The following SETD6 variants were observed in gnomAD, a reference collection of about 807,000 sequenced individuals.
SETD6 encodes SET domain containing 6, protein lysine methyltransferase.
A neutral mutation model predicts 52.7 loss-of-function variants in SETD6; 67 were observed. That is an observed-to-expected ratio of 1.27 (90% CI 1.04 to 1.56). The LOEUF (loss-of-function observed/expected upper bound fraction) is 1.56. Ranked by LOEUF, SETD6 falls within the 40% of genes most tolerant of loss-of-function variation. The probability of loss-of-function intolerance (pLI) is 0.00; values close to 1 mark genes in which losing one functional copy is unlikely to be tolerated. For missense variants in SETD6, 712 were observed against 607.5 expected, an observed-to-expected ratio of 1.17 and a Z score of -1.81; for synonymous variants, 307 against 250.2, an observed-to-expected ratio of 1.23 and a Z score of -2.14.
rs1010677228 is a variant in SETD6 at position 58,516,351 on chromosome 16, C to A, written c.476+8C>A. 4 of 1,610,038 alleles carry A rather than the reference C, an allele frequency of 2.5e-6. No homozygotes were observed. Among genetic ancestry groups the A allele is most frequent in the African/African-American group, 2.7e-5 (2 of 74,860 alleles). ...GGAGCACCCGATGTTCTGGTGAGAG[C>A]CTTGGGAGGGGTTGGGGAGCGCCTG... On this transcript the variant is annotated splice_region_variant and intron_variant, in intron 3 of 7. Transcript: ENST00000219315.
Position 58,516,888 on chromosome 16 carries a change from A to G in SETD6, c.752A>G (p.Asn251Ser), listed in dbSNP as rs2039180844. ...ATGGTGCCTGCTGCAGACATACTAA[A>G]CCACTTAGCCAATCACAACGCCAAT... ...PVMVPAADIL[N>S]HLANHNANLE... is the part of the protein sequence containing the mutation. Residue 251 changes from asparagine (N) to serine (S), a missense_variant, in exon 5 of 8, where the codon AAC (asparagine) becomes AGC (serine). Asn to Ser is a conservative substitution (Grantham distance 46). Coordinates refer to ENST00000219315, the MANE Select transcript of SETD6 (RefSeq NM_001160305.4). 3 of 1,613,978 alleles carry G rather than the reference A, an allele frequency of 1.9e-6. No homozygotes were observed. The East Asian group carries it at 6.7e-5, about 36-fold the overall frequency.
rs370052613 is a variant in SETD6 at position 58,518,692 on chromosome 16, A to G, written c.1117-32A>G. Reference sequence around the variant, plus strand: ...CATTTCAGAAGTACAAAAGCAGTACATCTAATTAAAGAGCTCTGTGGTTGC... The same window carrying G: ...CATTTCAGAAGTACAAAAGCAGTACGTCTAATTAAAGAGCTCTGTGGTTGC... On this transcript the variant is annotated intron_variant, in intron 7 of 7. Coordinates refer to ENST00000219315, the MANE Select transcript of SETD6 (RefSeq NM_001160305.4). 6 of 1,604,012 alleles carry G rather than the reference A, an allele frequency of 3.7e-6. No individual in the cohort carries two copies. The African/African-American group carries it at 8.1e-5, about 22-fold the overall frequency.
intron 5 of SETD6, 128 bp from the exon 6 acceptor site, chr16:58,517,923 G>T: frequency 8.6e-7 from 1 of 1,164,502 alleles, no homozygotes. Context: ...ACTAAAGGTA[G>T]AACTTTGGTA....
chr16:58,518,956 G>T lies in SETD6; in HGVS notation c.1349G>T (p.Arg450Met), dbSNP rs1220785156. The T allele has an allele frequency of 1.9e-6, 3 of 1,614,204 alleles. No individual in the cohort carries two copies. Among genetic ancestry groups the T allele is most frequent in the Non-Finnish European group, 2.5e-6 (3 of 1,180,038 alleles). ...GAAGTCTATGCGAAACTCAGCTGGA[G>T]GGAACAGCAAGCCTTACAGGTTCGC... ...NKEVYAKLSW[R>M]EQQALQVRYG... The change falls in exon 8 of 8, where the codon AGG becomes ATG. Residue 450 changes from arginine (R) to methionine (M), a missense_variant. Physicochemically the swap from Arg to Met is moderately conservative, Grantham distance 91. Transcript: ENST00000219315.
rs1391002747 is a variant in SETD6, at chr16:58,520,177, T to G, written c.*1148T>G. ...GGGGTAATGGGGGAGAACAATTAAT[T>G]AATGAGATTTGGTTCCCTTTCCTAT... On this transcript the variant is annotated 3_prime_UTR_variant, in exon 8 of 8. Coordinates refer to ENST00000219315, the MANE Select transcript of SETD6 (RefSeq NM_001160305.4). 1 of 152,122 alleles carries G rather than the reference T, an allele frequency of 6.6e-6. No individual in the cohort carries two copies. The highest frequency in any genetic ancestry group is 2.4e-5 in the African/African-American group (1 of 41,412). The allele number at this position is 152,122 out of a possible 1,614,324, so 9.4% of individuals were successfully genotyped here. A position where few individuals can be genotyped will look rare whatever the true frequency, so the allele number is the denominator to read the frequency against.
chr16:58,517,039 T>C (rs751996802), intron 5 of SETD6, 111 bp downstream of exon 5: 55 of 1,488,012 alleles, frequency 3.7e-5, no homozygotes, highest in Non-Finnish European at 4.9e-5. Flanking sequence ...CAGCTCCTCC[T>C]GTATGTCCTT....
Position 58,516,585 on chromosome 16 carries a change from T to C in SETD6, c.584T>C (p.Phe195Ser). The part of the protein sequence containing the change: ...RSEYQSIVLP[F>S]MEAHPDLFSL... The stretch of plus-strand genomic sequence containing the variant: ...GAGTACCAGTCCATCGTGCTGCCCT[T>C]CATGGAAGCCCACCCCGATCTCTTC... The change falls in exon 4 of 8, where the codon TTC becomes TCC. Residue 195 changes from phenylalanine to serine, a missense_variant. Physicochemically the swap from Phe to Ser is radical, Grantham distance 155. Transcript: ENST00000219315. 1.9e-6 allele frequency: 3 copies of C among 1,614,146 alleles called. No homozygotes were observed. The highest frequency in any genetic ancestry group is 2.5e-6 in the Non-Finnish European group (3 of 1,180,026).
At position 58,523,343 on chromosome 16, in the gene SETD6, C is replaced by A; in HGVS notation, c.*4314C>A. The A allele has an allele frequency of 3.2e-6, 5 of 1,553,444 alleles. No individual in the cohort carries two copies. Among genetic ancestry groups the A allele is most frequent in the South Asian group, 2.5e-5 (2 of 80,012 alleles). On this transcript the variant is annotated 3_prime_UTR_variant, in exon 8 of 8. Coordinates refer to ENST00000219315, the MANE Select transcript of SETD6 (RefSeq NM_001160305.4). ...TGAAAGGGAGGAGATCCTTTTGAAG[C>A]ATTTAAAAAATAAGCTGCTCGCTTA...
At position 58,519,047 on chromosome 16, in the gene SETD6, G is replaced by T. The variant is rs2039274350; in HGVS notation, c.*18G>T. On this transcript the variant is annotated 3_prime_UTR_variant, in exon 8 of 8. Transcript: ENST00000219315. ...CAAGTTAGCAGTTTCCCTGTTCCCT[G>T]AAGGAACAGCAATAAGAACTTTATT... The T allele has an allele frequency of 6.3e-7, 1 of 1,587,650 alleles. No homozygotes were observed. Among genetic ancestry groups the T allele is most frequent in the African/African-American group, 1.4e-5 (1 of 73,896 alleles).
At chr16:58,517,951 T>G (rs2039220722) in intron 5 of SETD6, 100 bp from the exon 6 acceptor site, 1 of 1,455,174 alleles carries the variant, frequency 6.9e-7, no homozygotes, top group Admixed American at 1.8e-5. Flanking sequence ...GCATCAGTCA[T>G]GGCTGAACTA....
chr16:58,520,950 A>G lies in SETD6; in HGVS notation c.*1921A>G, dbSNP rs1020553893. ...AGACTGACACGTACAACAGAGATGCAGTTTCGTCTAACTGGCACCTGTCCC... is the reference window on the plus strand; with the variant it reads ...AGACTGACACGTACAACAGAGATGCGGTTTCGTCTAACTGGCACCTGTCCC... On this transcript the variant is annotated 3_prime_UTR_variant, in exon 8 of 8. Coordinates refer to ENST00000219315, the MANE Select transcript of SETD6 (RefSeq NM_001160305.4). 2 of 1,612,576 alleles carry G rather than the reference A, an allele frequency of 1.2e-6. No homozygotes were observed. The highest frequency in any genetic ancestry group is 1.3e-5 in the African/African-American group (1 of 74,992).
At position 58,515,966 on chromosome 16, in the gene SETD6, G is replaced by A. The variant is rs913843779; in HGVS notation, c.203G>A (p.Arg68Gln). 53 of 1,531,468 alleles carry A rather than the reference G, an allele frequency of 3.5e-5. No homozygotes were observed. Among genetic ancestry groups the A allele is most frequent in the Non-Finnish European group, 4.0e-5 (46 of 1,148,538 alleles). The allele number at this position is 1,531,468 out of a possible 1,614,324, so 94.9% of individuals were successfully genotyped here. The change falls in exon 2 of 8, where the codon CGG becomes CAG. Residue 68 changes from arginine to glutamine, a missense_variant. Transcript: ENST00000219315. Reference sequence around the variant, plus strand: ...CCTCCTGCTCAGGTGGCGGTCAGCCGGCAGGGCACGGTGGCCGGCTACGGC... The same window carrying A: ...CCTCCTGCTCAGGTGGCGGTCAGCCAGCAGGGCACGGTGGCCGGCTACGGC... ...TSPPAQVAVS[R>Q]QGTVAGYGMV...
At position 58,520,387 on chromosome 16, in the gene SETD6, A is replaced by C. The variant is rs2039329290; in HGVS notation, c.*1358A>C. Reference sequence around the variant, plus strand: ...AGCTTTGGAATACGTTTGGGTAGAGACAAAATGGAAACTCATGGGATTCCA... The same window carrying C: ...AGCTTTGGAATACGTTTGGGTAGAGCCAAAATGGAAACTCATGGGATTCCA... On this transcript the variant is annotated 3_prime_UTR_variant, in exon 8 of 8. Coordinates refer to ENST00000219315, the MANE Select transcript of SETD6 (RefSeq NM_001160305.4). 1 of 154,324 alleles carries C rather than the reference A, an allele frequency of 6.5e-6. No individual in the cohort carries two copies. Among genetic ancestry groups the C allele is most frequent in the African/African-American group, 2.4e-5 (1 of 41,464 alleles). The allele number at this position is 154,324 out of a possible 1,614,324, so 9.6% of individuals were successfully genotyped here. A position where few individuals can be genotyped will look rare whatever the true frequency, so the allele number is the denominator to read the frequency against.
Position 58,516,631 on chromosome 16 carries a change from A to G in SETD6, c.630A>G (p.Leu210=), listed in dbSNP as rs972535680. 2.5e-6 allele frequency: 4 copies of G among 1,614,000 alleles called. No individual in the cohort carries two copies. Among genetic ancestry groups the G allele is most frequent in the East Asian group, 2.2e-5 (1 of 44,890 alleles). Residue 210 remains leucine (L), a synonymous_variant, in exon 4 of 8, where the codon CTA becomes CTG. Coordinates refer to ENST00000219315, the MANE Select transcript of SETD6 (RefSeq NM_001160305.4). ...PDLFSLRVRS[L]ELYHQLVALV... ...TCTTCAGCCTCAGGGTTCGCTCCCT[A>G]GAACTCTACCACCAGCTGGTGGCCC...
Position 58,516,535 on chromosome 16 carries a change from G to A in SETD6, c.534G>A (p.Glu178=), listed in dbSNP as rs774236938. The A allele has an allele frequency of 1.2e-6, 2 of 1,614,048 alleles. No homozygotes were observed. Among genetic ancestry groups the A allele is most frequent in the South Asian group, 2.2e-5 (2 of 91,084 alleles). Residue 178 remains glutamate, a synonymous_variant, in exon 4 of 8, where the codon GAG becomes GAA. Coordinates refer to ENST00000219315, the MANE Select transcript of SETD6 (RefSeq NM_001160305.4). ...LQGTGVPEAV[E]KDLANIRSEY... The stretch of plus-strand genomic sequence containing the variant: ...GCACAGGCGTACCTGAGGCCGTGGA[G>A]AAGGATTTGGCCAACATCCGCAGCG...
At position 58,515,854 on chromosome 16, in the gene SETD6, C is replaced by T. The variant is rs1473363371; in HGVS notation, c.91C>T (p.Arg31Trp). 1.3e-6 allele frequency: 2 copies of T among 1,526,246 alleles called. No individual in the cohort carries two copies. Among genetic ancestry groups the T allele is most frequent in the African/African-American group, 1.4e-5 (1 of 69,608 alleles). The allele number at this position is 1,526,246 out of a possible 1,614,324, so 94.5% of individuals were successfully genotyped here. A position where few individuals can be genotyped will look rare whatever the true frequency, so the allele number is the denominator to read the frequency against. Residue 31 changes from arginine (R) to tryptophan (W), a missense_variant, in exon 2 of 8, where the codon CGG becomes TGG. Physicochemically the swap from Arg to Trp is moderately radical, Grantham distance 101. Coordinates refer to ENST00000219315, the MANE Select transcript of SETD6 (RefSeq NM_001160305.4). Reference sequence around the variant, plus strand: ...GGCCTGCTTCCTGAGCTGGTGCCGGCGGGTGGGGCTGGAGCTGAGTCCCAA... The same window carrying T: ...GGCCTGCTTCCTGAGCTGGTGCCGGTGGGTGGGGCTGGAGCTGAGTCCCAA... Reference protein sequence around the residue: ...PVACFLSWCRRVGLELSPKVS... With the variant: ...PVACFLSWCRWVGLELSPKVS...
rs965002814 is a variant in SETD6, at chr16:58,519,306, A to G, written c.*277A>G. 2 of 369,290 alleles carry G rather than the reference A, an allele frequency of 5.4e-6. No individual in the cohort carries two copies. The highest frequency in any genetic ancestry group is 4.1e-5 in the African/African-American group (2 of 48,866). The allele number at this position is 369,290 out of a possible 1,614,324, so 22.9% of individuals were successfully genotyped here. A position where few individuals can be genotyped will look rare whatever the true frequency, so the allele number is the denominator to read the frequency against. On this transcript the variant is annotated 3_prime_UTR_variant, in exon 8 of 8. Transcript: ENST00000219315. ...CCAAAGCCAGTGGACATACGGTAGT[A>G]ATAAGTAAGTCTTGTTGTGTTTCAG...
Position 58,523,150 on chromosome 16 carries a change from C to T in SETD6, c.*4121C>T, listed in dbSNP as rs1362748219. The stretch of plus-strand genomic sequence containing the variant: ...ATCCCAGCTACTTGAGAGGCTAAGG[C>T]ACGAGAATCGCTTGAACCTGGGAGG... On this transcript the variant is annotated 3_prime_UTR_variant, in exon 8 of 8. Coordinates refer to ENST00000219315, the MANE Select transcript of SETD6 (RefSeq NM_001160305.4). 9.4e-6 allele frequency: 3 copies of T among 318,032 alleles called. No homozygotes were observed. Among genetic ancestry groups the T allele is most frequent in the Non-Finnish European group, 1.7e-5 (3 of 176,042 alleles). The allele number at this position is 318,032 out of a possible 1,614,324, so 19.7% of individuals were successfully genotyped here.
At chr16:58,518,001 T>C in intron 5 of SETD6, 50 bp from the exon 6 acceptor site, 1 of 1,612,116 alleles carries the variant, frequency 6.2e-7, no homozygotes, top group Non-Finnish European at 8.5e-7. Flanking sequence ...ATAATCTTCA[T>C]GGGGCTGGCC....
Sources: allele counts gnomAD v4.1 joint callset, GRCh38; gene constraint gnomAD v4.1.1; transcripts MANE v1.5; gene names NCBI Gene and HGNC (gene_info 2026-07-23, HGNC 2026-07-21).